Variants in ZSWIM4 observed in about 807,000 individuals in gnomAD.
ZSWIM4 encodes zinc finger SWIM domain-containing protein 4.
ZSWIM4 carries 62 observed loss-of-function variants against 102.5 expected under a neutral mutation model. That is an observed-to-expected ratio of 0.60 (90% CI 0.49 to 0.75). The LOEUF is 0.75. ZSWIM4 is among the 30% of genes least tolerant of loss of function. ZSWIM4 has a pLI of 0.00. For missense variants in ZSWIM4, 1,280 were observed against 1,529.6 expected (o/e 0.84, Z 2.72); for synonymous variants, 652 against 674.5 (o/e 0.97, Z 0.52).
At chr19:13,826,780 A>G (rs1376966538) in intron 12 of ZSWIM4, among the ~76,000 whole-genome samples, 1 of 151,884 alleles carries the variant, frequency 6.6e-6, no homozygotes, top group African/African-American at 2.4e-5. Flanking sequence ...AGAAAAAAAA[A>G]AGTCCTGTAT....
chr19:13,801,155 G>GAA (rs58833466), intron 2 of ZSWIM4, among the ~76,000 whole-genome samples: 1 of 140,186 alleles, frequency 7.1e-6, no homozygotes, highest in Non-Finnish European at 1.5e-5. Flanking sequence ...AGAGAAAAAA[G>GAA]AAAAAAAAAA....
rs1179801852 is a variant in ZSWIM4, at chr19:13,817,286, T to G, written c.1602T>G (p.Ile534Met). 6.2e-7 allele frequency: 1 copy of G among 1,614,040 alleles called. No individual in the cohort carries two copies. Among genetic ancestry groups the G allele is most frequent in the Admixed American group, 1.7e-5 (1 of 60,008 alleles). Residue 534 changes from isoleucine (I) to methionine (M), a missense_variant, in exon 8 of 14, where the codon ATT becomes ATG. Transcript: ENST00000590508. ...GGGTGGGGCACCCCCTGGACCCCAT[T>G]GGCTGCCTCTGCAGGGCGCTCCTGG... Reference protein sequence around the residue: ...EGWVGHPLDPIGCLCRALLEA... With the variant: ...EGWVGHPLDPMGCLCRALLEA...
intron 13 of ZSWIM4, among the ~76,000 whole-genome samples, chr19:13,829,687 T>C (rs1975703451): frequency 6.6e-6 from 1 of 151,750 alleles, no homozygotes. Context: ...TAGCTGGGCG[T>C]GGTGGTGGGC....
At chr19:13,815,456 A>ATTTTTTTTTTT (rs758486796) in intron 7 of ZSWIM4, 5 of 58,174 alleles carry the variant, frequency 8.6e-5, no homozygotes, top group African/African-American at 2.4e-4. Flanking sequence ...GTGCCTGGAA[A>ATTTTTTTTTTT]TTTTTTTTTT....
At position 13,817,760 on chromosome 19, in the gene ZSWIM4, G is replaced by A. The variant is rs1450471018; in HGVS notation, c.1708G>A (p.Val570Met). 6 of 1,605,258 alleles carry A rather than the reference G, an allele frequency of 3.7e-6. No individual in the cohort carries two copies. The highest frequency in any genetic ancestry group is 5.1e-6 in the Non-Finnish European group (6 of 1,177,034). ...GAAGCGGAAGGTGGCCTACCAGCAC[G>A]TGCCTGTGCCCGGGAGCCCTGGGGA... ...PEKRKVAYQHVPVPGSPGESY... is the reference protein window; with the variant it reads ...PEKRKVAYQHMPVPGSPGESY... The change falls in exon 9 of 14, where the codon GTG (valine) becomes ATG (methionine). Residue 570 changes from valine (V) to methionine (M), a missense_variant. Transcript: ENST00000590508.
chr19:13,803,309 G>A (rs994522045), intron 2 of ZSWIM4, among the ~76,000 whole-genome samples: 1 of 152,228 alleles, frequency 6.6e-6, no homozygotes, highest in Non-Finnish European at 1.5e-5. Flanking sequence ...CAGGGGGAGT[G>A]AAGGGGACAC....
intron 3 of ZSWIM4, 62 bp downstream of exon 3, chr19:13,805,210 C>CAG: frequency 7.0e-7 from 1 of 1,424,116 alleles, no homozygotes; most frequent in Non-Finnish European, 9.7e-7. Flanking sequence ...ACGCCACTTG[C>CAG]TGTGTGCCCA....
chr19:13,817,140 CAAG>C, intron 7 of ZSWIM4, 73 bp from the exon 8 acceptor site: 1 of 1,520,604 alleles, frequency 6.6e-7, no homozygotes, highest in Non-Finnish European at 8.9e-7. Context: ...GCTGGCAGGT[CAAG>C]AAGAGGAATA....
intron 7 of ZSWIM4, among the ~76,000 whole-genome samples, chr19:13,816,020 G>A (rs1975274912): frequency 6.7e-6 from 1 of 148,940 alleles, no homozygotes; most frequent in Admixed American, 6.7e-5. Context: ...TGGGGAGGGA[G>A]GGACAGAGAG....
At chr19:13,818,321 T>C (rs762945043) in intron 9 of ZSWIM4, among the ~76,000 whole-genome samples, 44 of 152,042 alleles carry the variant, frequency 2.9e-4, no homozygotes, top group Non-Finnish European at 6.0e-4. Flanking sequence ...TGCTCCTCAT[T>C]GGCCCCGCCA....
chr19:13,829,831 A>G (rs1309469578), intron 13 of ZSWIM4, among the ~76,000 whole-genome samples: 15 of 152,058 alleles, frequency 9.9e-5, no homozygotes, highest in East Asian at 3.9e-4. Flanking sequence ...TCTCAAAAAA[A>G]AAAAAGGAAA....
intron 12 of ZSWIM4, among the ~76,000 whole-genome samples, chr19:13,827,522 G>C (rs1326136190): frequency 1.3e-5 from 2 of 150,466 alleles, no homozygotes; most frequent in African/African-American, 4.9e-5. Flanking sequence ...GAACCCAGGA[G>C]GTGTAGGTTA....
chr19:13,820,827 C>A lies in ZSWIM4; in HGVS notation c.2060+1335C>A, dbSNP rs1030322559. Among the ~76,000 whole-genome samples, 4 of 151,134 alleles carry A rather than the reference C, an allele frequency of 2.6e-5. 1 individual carries two copies. The South Asian group carries it at 8.3e-4, about 31-fold the overall frequency. On this transcript the variant is annotated intron_variant, in intron 10 of 13. Coordinates refer to ENST00000590508, the MANE Select transcript of ZSWIM4 (RefSeq NM_001367834.3). Reference sequence around the variant, plus strand: ...ACAGGATTTGTCTTATCACACAGTACGTGAATCACTGCGTAGCCTTCCACT... The same window carrying A: ...ACAGGATTTGTCTTATCACACAGTAAGTGAATCACTGCGTAGCCTTCCACT...
intron 3 of ZSWIM4, among the ~76,000 whole-genome samples, chr19:13,805,851 G>C (rs1263085746): frequency 6.6e-6 from 1 of 151,274 alleles, no homozygotes; most frequent in Non-Finnish European, 1.5e-5. Flanking sequence ...GGTGCCTGTA[G>C]TCCCAGCCAC....
chr19:13,817,276 T>G lies in ZSWIM4; in HGVS notation c.1592T>G (p.Leu531Arg). 6.2e-7 allele frequency: 1 copy of G among 1,614,088 alleles called. No individual in the cohort carries two copies. Among genetic ancestry groups the G allele is most frequent in the Non-Finnish European group, 8.5e-7 (1 of 1,179,942 alleles). ...TNTEGWVGHPLDPIGCLCRAL... is the reference protein window; with the variant it reads ...TNTEGWVGHPRDPIGCLCRAL... ...ACCGAAGGATGGGTGGGGCACCCCC[T>G]GGACCCCATTGGCTGCCTCTGCAGG... The change falls in exon 8 of 14, where the codon CTG becomes CGG. Residue 531 changes from leucine (L) to arginine (R), a missense_variant. Leu to Arg is a moderately radical substitution (Grantham distance 102, BLOSUM62 -2). Coordinates refer to ENST00000590508, the MANE Select transcript of ZSWIM4 (RefSeq NM_001367834.3).
At chr19:13,819,213 C>T in intron 9 of ZSWIM4, 144 bp from the exon 10 acceptor site, 2 of 1,146,134 alleles carry the variant, frequency 1.7e-6, no homozygotes, top group Middle Eastern at 2.8e-4. Flanking sequence ...CAGACCTGAA[C>T]CCCTACCCCA....
In ZSWIM4 at chr19:13,828,725, T is replaced by C; in HGVS notation, c.2460T>C (p.Ile820=). The change falls in exon 13 of 14, where the codon ATT becomes ATC. Residue 820 remains isoleucine, a splice_region_variant and synonymous_variant. Coordinates refer to ENST00000590508, the MANE Select transcript of ZSWIM4 (RefSeq NM_001367834.3). Reference sequence around the variant, plus strand: ...GGCTGGTCAGCTGTGCCACAGAGATTGGTGAGAGCCCCTAAGGGGACCTGC... The same window carrying C: ...GGCTGGTCAGCTGTGCCACAGAGATCGGTGAGAGCCCCTAAGGGGACCTGC... The part of the protein sequence containing the change: ...VRWLVSCATE[I]GPQALMNIMQ... 2 of 1,614,072 alleles carry C rather than the reference T, an allele frequency of 1.2e-6. No individual in the cohort carries two copies. Among genetic ancestry groups the C allele is most frequent in the African/African-American group, 1.3e-5 (1 of 75,030 alleles).
intron 2 of ZSWIM4, among the ~76,000 whole-genome samples, chr19:13,801,138 A>G (rs1376361684): frequency 5.5e-5 from 8 of 144,900 alleles, no homozygotes; most frequent in African/African-American, 1.9e-4. Flanking sequence ...GCGAGATGCT[A>G]TCTCAAAGAG....
chr19:13,827,226 G>A (rs1640347417), intron 12 of ZSWIM4, among the ~76,000 whole-genome samples: 2 of 151,274 alleles, frequency 1.3e-5, no homozygotes, highest in African/African-American at 4.9e-5. Context: ...GTTTGAGGCT[G>A]CAGCAGTGAG....
Sources: gnomAD v4.1 joint callset for allele counts (sites outside exome capture counted in the v4.1 genomes callset) on GRCh38, gnomAD v4.1.1 for gene constraint, MANE v1.5 for transcripts, NCBI Gene and HGNC (gene_info 2026-07-23, HGNC 2026-07-21) for gene names.